Variants in SVEP1 observed in about 807,000 individuals in gnomAD.
The protein encoded by SVEP1 is sushi, von Willebrand factor type A, EGF and pentraxin domain-containing protein 1.
In SVEP1, 164 loss-of-function variants were observed where a neutral mutation model predicts 367.3. The observed-to-expected ratio is 0.45, with a 90% CI of 0.39 to 0.51. The LOEUF (loss-of-function observed/expected upper bound fraction) is 0.51, where lower values mean the gene tolerates loss of function less well. Among genes scored for constraint, SVEP1 ranks in the 20% least tolerant of loss-of-function variants. The probability of loss-of-function intolerance (pLI) is 0.00; values close to 1 mark genes in which losing one functional copy is unlikely to be tolerated. For missense variants in SVEP1, 4,117 were observed against 4,425.3 expected, an observed-to-expected ratio of 0.93 and a Z score of 1.98; for synonymous variants, 1,666 against 1,611.6, an observed-to-expected ratio of 1.03 and a Z score of -0.81.
At chr9:110,554,279 T>G (rs1214129380) in intron 1 of SVEP1, among the ~76,000 whole-genome samples, 5 of 152,212 alleles carry the variant, frequency 3.3e-5, no homozygotes, top group Non-Finnish European at 7.3e-5. Context: ...CTTGAGAGTC[T>G]GCTTATGAAA....
rs1249994148 is a variant in SVEP1, at chr9:110,579,276, C to G, written c.268G>C (p.Asp90His). 2 of 1,573,452 alleles carry G rather than the reference C, an allele frequency of 1.3e-6. No homozygotes were observed. The highest frequency in any genetic ancestry group is 1.9e-5 in the Admixed American group (1 of 54,014). Residue 90 changes from aspartate (D) to histidine (H), a missense_variant, in exon 1 of 48, where the codon GAT becomes CAT. Around this residue, in one of 4 missense-constraint regions of SVEP1, gnomAD observed 161 missense variants for 122.4 expected, o/e 1.32. Transcript: ENST00000374469. This position sits in a 1 kb window ranked among gnomAD's most constrained non-coding sequence, Gnocchi z 5.3. ...TTGACTTCGCCCACGCTGGACGAAT[C>G]ATCCACCAGGAAGACAAGCTCCAGG... ...ERLELVFLVD[D>H]SSSVGEVNFR... is the part of the protein sequence containing the mutation.
Position 110,411,735 on chromosome 9 carries a change from G to A in SVEP1, c.5976C>T (p.Gly1992=). The A allele has an allele frequency of 1.3e-6, 2 of 1,531,568 alleles. No homozygotes were observed. The highest frequency in any genetic ancestry group is 2.5e-5 in the South Asian group (2 of 80,338). 94.9% of individuals were successfully genotyped at this position (1,531,568 alleles called of 1,614,324 possible). ...TGGTGTCAAGACCAGCAAGAGTATA[G>A]CTGTGAGGTTGGGAAGAAAGAAAGA... ...RNTVTYTCKE[G]YTLAGLDTIE... is the part of the protein sequence containing the mutation. The change falls in exon 37 of 48, where the codon GGC becomes GGT. Residue 1992 remains glycine (G), a splice_region_variant and synonymous_variant. Coordinates refer to ENST00000374469, the MANE Select transcript of SVEP1 (RefSeq NM_153366.4).
At chr9:110,434,542 C>T (rs534804610) in intron 29 of SVEP1, 36 bp from the exon 30 acceptor site, 28 of 1,596,106 alleles carry the variant, frequency 1.8e-5, no homozygotes, top group Middle Eastern at 2.1e-4. Flanking sequence ...AGCTTGTCAG[C>T]GGCATAGTGG....
rs73532751 is a variant in SVEP1 at position 110,449,638 on chromosome 9, G to A, written c.4103+421C>T. On this transcript the variant is annotated intron_variant, in intron 24 of 47. Transcript: ENST00000374469. The stretch of plus-strand genomic sequence containing the variant: ...AAAGAGGTTACAGTGAGCCGAGATC[G>A]TGCTATTGCACTCCAGCCTGGGAGA... Among the ~76,000 whole-genome samples, 399 of 152,272 alleles carry A rather than the reference G, an allele frequency of 2.6e-3. 3 individuals are homozygous for A. The highest frequency in any genetic ancestry group is 9.1e-3 in the African/African-American group (380 of 41,544).
Position 110,579,250 on chromosome 9 carries a change from G to A in SVEP1, c.294C>T (p.Asn98=), listed in dbSNP as rs181613162. The part of the protein sequence containing the change: ...VDDSSSVGEV[N]FRSELMFVRK... ...GGACGAACATGAGCTCGCTGCGGAA[G>A]TTGACTTCGCCCACGCTGGACGAAT... The change falls in exon 1 of 48, where the codon AAC becomes AAT. Residue 98 remains asparagine, a synonymous_variant. Coordinates refer to ENST00000374469, the MANE Select transcript of SVEP1 (RefSeq NM_153366.4). This position sits in a 1 kb window ranked among gnomAD's most constrained non-coding sequence, Gnocchi z 5.3. The A allele has an allele frequency of 4.7e-4, 742 of 1,570,940 alleles. 4 individuals are homozygous for A. In the African/African-American group the frequency reaches 9.2e-3, roughly 19 times the overall value.
At chr9:110,530,679 G>A (rs1454940743) in intron 3 of SVEP1, among the ~76,000 whole-genome samples, 1 of 152,068 alleles carries the variant, frequency 6.6e-6, no homozygotes, top group Non-Finnish European at 1.5e-5. Flanking sequence ...TGGGACCACA[G>A]ATGCACACCA....
intron 35 of SVEP1, 133 bp from the exon 36 acceptor site, chr9:110,427,891 T>G (rs1199437279): frequency 1.9e-6 from 2 of 1,047,356 alleles, no homozygotes; most frequent in Non-Finnish European, 2.7e-6. Context: ...TTCTTCATAT[T>G]AGATTGCTTT....
chr9:110,523,388 TA>T (rs1476289374), intron 3 of SVEP1, among the ~76,000 whole-genome samples: 1 of 151,962 alleles, frequency 6.6e-6, no homozygotes, highest in East Asian at 1.9e-4. Context: ...CATTCAATCA[TA>T]AAATTCTAAA....
intron 3 of SVEP1, among the ~76,000 whole-genome samples, chr9:110,535,591 T>C (rs1183631575): frequency 6.6e-6 from 1 of 152,126 alleles, no homozygotes; most frequent in Non-Finnish European, 1.5e-5. Context: ...AATCTGTAAA[T>C]TGCTTTGGGA....
intron 27 of SVEP1, among the ~76,000 whole-genome samples, chr9:110,440,843 C>T (rs1160410600): frequency 2.6e-5 from 4 of 152,170 alleles, no homozygotes; most frequent in Non-Finnish European, 5.9e-5. Context: ...AATGGTCCCA[C>T]ACCTGCTCCA....
chr9:110,549,755 G>C, intron 2 of SVEP1, 94 bp downstream of exon 2: 1 of 1,489,836 alleles, frequency 6.7e-7, no homozygotes, highest in East Asian at 2.4e-5. Context: ...GACCTTGTGA[G>C]AGTTTGATAT....
chr9:110,465,887 G>A lies in SVEP1; in HGVS notation c.3300C>T (p.Ala1100=), dbSNP rs192350233. Residue 1100 remains alanine (A), a synonymous_variant, in exon 18 of 48, where the codon GCC becomes GCT. Transcript: ENST00000374469. ...AACCTCCACATGCAGAAATGTTCAC[G>A]GCTCCTCTTTTCACAGTTGAGGTGT... is the stretch of plus-strand genomic sequence containing the variant. The part of the protein sequence containing the change: ...PENTSTVKRG[A]VNISACGVPC... 331 of 1,612,964 alleles carry A rather than the reference G, an allele frequency of 2.1e-4. No individual in the cohort carries two copies. Among genetic ancestry groups the A allele is most frequent in the Non-Finnish European group, 2.6e-4 (312 of 1,179,482 alleles).
rs1358867899 is a variant in SVEP1, at chr9:110,465,888, G to C, written c.3299C>G (p.Ala1100Gly). Reference protein sequence around the residue: ...PENTSTVKRGAVNISACGVPC... With the variant: ...PENTSTVKRGGVNISACGVPC... ...ACCTCCACATGCAGAAATGTTCACGGCTCCTCTTTTCACAGTTGAGGTGTT... is the reference window on the plus strand; with the variant it reads ...ACCTCCACATGCAGAAATGTTCACGCCTCCTCTTTTCACAGTTGAGGTGTT... The change falls in exon 18 of 48, where the codon GCC (alanine) becomes GGC (glycine). Residue 1100 changes from alanine to glycine, a missense_variant. Transcript: ENST00000374469. 6.2e-7 allele frequency: 1 copy of C among 1,612,984 alleles called. No homozygotes were observed. The highest frequency in any genetic ancestry group is 2.2e-5 in the East Asian group (1 of 44,874).
chr9:110,511,718 A>G (rs1461226009), intron 5 of SVEP1, among the ~76,000 whole-genome samples: 1 of 151,950 alleles, frequency 6.6e-6, no homozygotes. Flanking sequence ...GCCAATTTAC[A>G]TTTATAGATG....
chr9:110,550,252 G>A (rs865893049), intron 1 of SVEP1, 148 bp from the exon 2 acceptor site: 3 of 1,039,686 alleles, frequency 2.9e-6, no homozygotes, highest in South Asian at 3.1e-5. Flanking sequence ...AACAGAAATA[G>A]GCACAGATGA....
At chr9:110,547,627 T>C (rs893450093) in intron 2 of SVEP1, among the ~76,000 whole-genome samples, 3 of 152,186 alleles carry the variant, frequency 2.0e-5, no homozygotes, top group Non-Finnish European at 4.4e-5. Context: ...AAGACTAGTG[T>C]ACCAGCATTC....
At position 110,472,162 on chromosome 9, in the gene SVEP1, T is replaced by C. The variant is rs770260843; in HGVS notation, c.2761A>G (p.Thr921Ala). The C allele has an allele frequency of 1.2e-6, 2 of 1,610,964 alleles. No homozygotes were observed. The highest frequency in any genetic ancestry group is 1.7e-6 in the Non-Finnish European group (2 of 1,179,172). Reference protein sequence around the residue: ...DYKIKLIFNITASVPLPDERN... With the variant: ...DYKIKLIFNIAASVPLPDERN... ...CAAATAGACAGTTTATCCTTACCTG[T>C]GATGTTAAAAATTAACTTAATTTTA... is the stretch of plus-strand genomic sequence containing the variant. The change falls in exon 15 of 48, where the codon ACA (threonine) becomes GCA (alanine). Residue 921 changes from threonine (T) to alanine (A), a missense_variant. Transcript: ENST00000374469.
intron 9 of SVEP1, among the ~76,000 whole-genome samples, chr9:110,488,759 A>G (rs12352865): frequency 0.85 from 129,539 of 152,022 alleles, 55,341 homozygotes; most frequent in East Asian, 0.99. Context: ...CTGTAGTCCC[A>G]GCTATTTGGA....
chr9:110,488,739 T>C (rs946257226), intron 9 of SVEP1, among the ~76,000 whole-genome samples: 1 of 151,932 alleles, frequency 6.6e-6, no homozygotes. Context: ...CTGGGTGTGG[T>C]GGCACATGCC....
Sources: gnomAD v4.1 joint callset for allele counts (sites outside exome capture counted in the v4.1 genomes callset) on GRCh38, gnomAD v4.1.1 for gene constraint, gnomAD v4.1.1 regional missense constraint, Gnocchi (gnomAD v3.1) non-coding constraint, MANE v1.5 for transcripts, NCBI Gene and HGNC (gene_info 2026-07-23, HGNC 2026-07-21) for gene names.